Variants in AKAP9 observed in about 807,000 individuals in gnomAD.
The protein encoded by AKAP9 is A-kinase anchor protein 9.
Under a neutral mutation model 488.5 loss-of-function variants are expected in AKAP9, and 311 were observed. The observed-to-expected ratio is 0.64, with a 90% CI of 0.58 to 0.70. AKAP9 has a LOEUF of 0.70. AKAP9 is among the 30% of genes least tolerant of loss of function. The pLI, the probability that AKAP9 is intolerant of heterozygous loss-of-function variation, is 0.00. For missense variants in AKAP9, 4,215 were observed against 4,374.5 expected, an observed-to-expected ratio of 0.96 and a Z score of 1.03; for synonymous variants, 1,462 against 1,483.5, an observed-to-expected ratio of 0.99 and a Z score of 0.33.
chr7:92,058,435 TTTAG>T (rs772778425), intron 22 of AKAP9: 8 of 473,180 alleles, frequency 1.7e-5, no homozygotes, highest in South Asian at 1.4e-4. Context: ...AAAATATTCA[TTTAG>T]TTAAACACTA....
intron 3 of AKAP9, among the ~76,000 whole-genome samples, chr7:91,989,465 T>C (rs1316107340): frequency 6.6e-6 from 1 of 152,100 alleles, no homozygotes; most frequent in African/African-American, 2.4e-5. Flanking sequence ...CATATTTACA[T>C]GAATTGTTTT....
At chr7:92,019,144 CTT>C (rs919867863) in intron 12 of AKAP9, among the ~76,000 whole-genome samples, 1 of 146,054 alleles carries the variant, frequency 6.8e-6, no homozygotes, top group Non-Finnish European at 1.5e-5. Context: ...TTTTACTTTC[CTT>C]TTTTTTTTTC....
chr7:92,038,371 CTGA>C lies in AKAP9; in HGVS notation c.4339-46_4339-44del, dbSNP rs1300884696. On this transcript the variant is annotated intron_variant, in intron 16 of 49. Transcript: ENST00000356239. Reference sequence around the variant, plus strand: ...TACTAATTTACTTTTTAAATTCCTGCTGATATTTCTAAATCTAATCCTTTATTG... The same window carrying C: ...TACTAATTTACTTTTTAAATTCCTGCTATTTCTAAATCTAATCCTTTATTG... 2.8e-6 allele frequency: 4 copies of C among 1,454,052 alleles called. No homozygotes were observed. The South Asian group carries it at 3.5e-5, about 13-fold the overall frequency. 90.1% of individuals were successfully genotyped at this position (1,454,052 alleles called of 1,614,324 possible).
At position 91,983,903 on chromosome 7, in the gene AKAP9, T is replaced by A. The variant is rs1401727529; in HGVS notation, c.351+3570T>A. 2.0e-5 allele frequency among the ~76,000 whole-genome samples: 3 copies of A among 152,238 alleles called. No homozygotes were observed. The East Asian group carries it at 5.8e-4, about 29-fold the overall frequency. On this transcript the variant is annotated intron_variant, in intron 3 of 49. Coordinates refer to ENST00000356239, the MANE Select transcript of AKAP9 (RefSeq NM_005751.5). ...CTGATGACCAGTGATGATGAGCATT[T>A]TTTCATGTGTCTGTTGGCTGCATGA... is the stretch of plus-strand genomic sequence containing the variant.
chr7:92,022,570 T>G (rs1035434040), intron 13 of AKAP9, among the ~76,000 whole-genome samples: 44 of 152,208 alleles, frequency 2.9e-4, no homozygotes, highest in African/African-American at 9.9e-4. Flanking sequence ...TGTTTTAAAT[T>G]TTAAAGATAT....
At chr7:92,012,407 G>C (rs1800876490) in intron 8 of AKAP9, 22 bp from the exon 9 acceptor site, 1 of 1,579,300 alleles carries the variant, frequency 6.3e-7, no homozygotes, top group Non-Finnish European at 8.7e-7. Context: ...ATATTATAAT[G>C]TTTACATATG....
At chr7:92,018,983 A>G (rs1261404183) in intron 12 of AKAP9, among the ~76,000 whole-genome samples, 2 of 152,316 alleles carry the variant, frequency 1.3e-5, no homozygotes, top group East Asian at 3.9e-4. Context: ...ACATTCAACC[A>G]GAAACTTGGG....
chr7:92,014,951 G>C (rs1431779353), intron 10 of AKAP9, among the ~76,000 whole-genome samples: 1 of 152,098 alleles, frequency 6.6e-6, no homozygotes. Context: ...AAAACACTAA[G>C]ATGGCACCCA....
chr7:92,017,046 A>C lies in AKAP9; in HGVS notation c.3781A>C (p.Asn1261His), dbSNP rs1018077151. ...DFQENMHTLLNKVTEEYNKLL... is the reference protein window; with the variant it reads ...DFQENMHTLLHKVTEEYNKLL... Reference sequence around the variant, plus strand: ...TCAAGAAAATATGCACACTCTTCTCAACAAAGTAACAGAAGAATACAACAA... The same window carrying C: ...TCAAGAAAATATGCACACTCTTCTCCACAAAGTAACAGAAGAATACAACAA... Residue 1261 changes from asparagine to histidine, a missense_variant, in exon 12 of 50, where the codon AAC (asparagine) becomes CAC (histidine). Transcript: ENST00000356239. 4 of 1,590,806 alleles carry C rather than the reference A, an allele frequency of 2.5e-6. No homozygotes were observed. The highest frequency in any genetic ancestry group is 3.4e-6 in the Non-Finnish European group (4 of 1,163,528).
In AKAP9 at chr7:92,079,362, C is replaced by A. The variant is rs1331022410; in HGVS notation, c.7229C>A (p.Thr2410Asn). ...QQVETANEEM[T>N]FMKNVLKETN... Reference sequence around the variant, plus strand: ...GTAGAAACCGCTAATGAAGAAATGACCTTCATGAAAAATGTACTTAAAGAA... The same window carrying A: ...GTAGAAACCGCTAATGAAGAAATGAACTTCATGAAAAATGTACTTAAAGAA... The change falls in exon 31 of 50, where the codon ACC (threonine) becomes AAC (asparagine). Residue 2410 changes from threonine to asparagine, a missense_variant. This residue lies in a region of AKAP9 where 1,476 missense variants were observed against 1,477.4 expected (regional missense o/e 1.00). Coordinates refer to ENST00000356239, the MANE Select transcript of AKAP9 (RefSeq NM_005751.5). The A allele has an allele frequency of 2.8e-5, 45 of 1,613,850 alleles. No individual in the cohort carries two copies. The highest frequency in any genetic ancestry group is 3.5e-5 in the Non-Finnish European group (41 of 1,179,990).
At position 92,079,790 on chromosome 7, in the gene AKAP9, G is replaced by C. The variant is rs201627038; in HGVS notation, c.7657G>C (p.Ala2553Pro). The C allele has an allele frequency of 1.2e-6, 2 of 1,614,098 alleles. No individual in the cohort carries two copies. The highest frequency in any genetic ancestry group is 1.7e-6 in the Non-Finnish European group (2 of 1,180,002). The change falls in exon 31 of 50, where the codon GCT (alanine) becomes CCT (proline). Residue 2553 changes from alanine (A) to proline (P), a missense_variant. Ala to Pro is a conservative substitution (Grantham distance 27). Coordinates refer to ENST00000356239, the MANE Select transcript of AKAP9 (RefSeq NM_005751.5). ...GAAAATAGTTGAAGAAAAAGTGGCT[G>C]CTGCTCTTGTCAGTCAAATCCAACT... ...LQKIVEEKVA[A>P]ALVSQIQLEA...
chr7:92,047,827 A>G (rs1807265679), intron 21 of AKAP9, among the ~76,000 whole-genome samples: 1 of 152,236 alleles, frequency 6.6e-6, no homozygotes, highest in Admixed American at 6.5e-5. Context: ...TGTAGCAGAG[A>G]TAATTTTGCT....
chr7:92,025,446 T>C (rs1267293259), intron 14 of AKAP9, among the ~76,000 whole-genome samples: 3 of 152,230 alleles, frequency 2.0e-5, no homozygotes, highest in Admixed American at 1.3e-4. Flanking sequence ...TTACTAATAG[T>C]AATGAGTCAA....
rs1161253827 is a variant in AKAP9, at chr7:92,045,062, A to G, written c.5217A>G (p.Val1739=). The G allele has an allele frequency of 6.2e-7, 1 of 1,613,734 alleles. No individual in the cohort carries two copies. The highest frequency in any genetic ancestry group is 2.2e-5 in the East Asian group (1 of 44,872). The stretch of plus-strand genomic sequence containing the variant: ...TTTTGAAGATCCTCTTAGAAGTTGT[A>G]AAGACAACAGCAGCTGTTGAAGAAA... ...NRLLKILLEV[V]KTTAAVEETI... is the part of the protein sequence containing the mutation. Residue 1739 remains valine, a synonymous_variant, in exon 21 of 50, where the codon GTA becomes GTG. Transcript: ENST00000356239.
chr7:91,950,716 G>A (rs4729016), intron 1 of AKAP9, among the ~76,000 whole-genome samples: 18,360 of 152,090 alleles, frequency 0.12, 1,263 homozygotes, highest in East Asian at 0.37. Flanking sequence ...TTCTTACGCC[G>A]TTTATATCCT....
intron 1 of AKAP9, among the ~76,000 whole-genome samples, chr7:91,941,911 TGA>T (rs1790812300): frequency 6.6e-6 from 1 of 151,928 alleles, no homozygotes; most frequent in South Asian, 2.1e-4. Flanking sequence ...TGTGTGTGTG[TGA>T]ACGGTTATGG....
At chr7:91,966,533 A>C (rs895579476) in intron 1 of AKAP9, among the ~76,000 whole-genome samples, 8 of 152,214 alleles carry the variant, frequency 5.3e-5, no homozygotes, top group Non-Finnish European at 1.2e-4. Context: ...CAGTTGGATA[A>C]AATGTTTTGT....
intron 22 of AKAP9, among the ~76,000 whole-genome samples, chr7:92,060,194 G>A (rs890922872): frequency 2.9e-4 from 44 of 152,082 alleles, no homozygotes; most frequent in African/African-American, 1.0e-3. Flanking sequence ...TCATGATTTT[G>A]TAATACATTT....
chr7:92,041,983 A>G lies in AKAP9; in HGVS notation c.4918-63A>G, dbSNP rs564859879. The G allele has an allele frequency of 8.3e-6, 13 of 1,571,652 alleles. No homozygotes were observed. The East Asian group carries it at 2.7e-4, about 33-fold the overall frequency. ...CCCGGGGGTTAAAAGAAATCTGCTTAATATTTCTACCCTTTTTCTCTATCA... is the reference window on the plus strand; with the variant it reads ...CCCGGGGGTTAAAAGAAATCTGCTTGATATTTCTACCCTTTTTCTCTATCA... On this transcript the variant is annotated intron_variant, in intron 18 of 49. Coordinates refer to ENST00000356239, the MANE Select transcript of AKAP9 (RefSeq NM_005751.5).
Sources: gnomAD v4.1 joint callset for allele counts (sites outside exome capture counted in the v4.1 genomes callset) on GRCh38, gnomAD v4.1.1 for gene constraint, gnomAD v4.1.1 regional missense constraint, MANE v1.5 for transcripts, NCBI Gene and HGNC (gene_info 2026-07-23, HGNC 2026-07-21) for gene names.